Variants in RECK observed in about 807,000 individuals in gnomAD.
RECK encodes the protein reversion-inducing cysteine-rich protein with Kazal motifs.
A neutral mutation model predicts 115.1 loss-of-function variants in RECK; 69 were observed. The ratio of observed to expected loss-of-function variants is 0.60; its 90% CI spans 0.49 to 0.73. The LOEUF (loss-of-function observed/expected upper bound fraction) is 0.73. Ranked by LOEUF, RECK falls within the 30% of genes least tolerant of loss-of-function variation. The pLI, the probability that RECK is intolerant of heterozygous loss-of-function variation, is 0.00. For synonymous variants in RECK, 414 were observed against 419.7 expected, an observed-to-expected ratio of 0.99 and a Z score of 0.17; for missense variants, 1,047 against 1,203.7, an observed-to-expected ratio of 0.87 and a Z score of 1.93.
chr9:36,048,109 CACAG>C (rs1477238450), intron 1 of RECK, among the ~76,000 whole-genome samples: 1 of 133,850 alleles, frequency 7.5e-6, no homozygotes, highest in Non-Finnish European at 1.5e-5. Context: ...CATACACACG[CACAG>C]ACACACAGGT....
intron 14 of RECK, among the ~76,000 whole-genome samples, chr9:36,109,610 G>A (rs551344010): frequency 5.9e-5 from 9 of 152,206 alleles, no homozygotes; most frequent in Non-Finnish European, 8.8e-5. Flanking sequence ...TTGGTAGGCC[G>A]AGGCAGGCAG....
intron 6 of RECK, among the ~76,000 whole-genome samples, chr9:36,070,893 G>A (rs755052128): frequency 2.0e-5 from 3 of 152,226 alleles, no homozygotes; most frequent in Non-Finnish European, 4.4e-5. Context: ...TTATGGGCAT[G>A]TTCAAGTATC....
intron 13 of RECK, among the ~76,000 whole-genome samples, chr9:36,107,604 CA>C (rs11315233): frequency 0.082 from 5,831 of 70,966 alleles, 225 homozygotes; most frequent in African/African-American, 0.2. Flanking sequence ...GACTCCGTCT[CA>C]AAAAAAAAAA....
chr9:36,046,954 G>C (rs908556164), intron 1 of RECK, among the ~76,000 whole-genome samples: 5 of 152,152 alleles, frequency 3.3e-5, no homozygotes, highest in African/African-American at 4.8e-5. Context: ...CACATTTTGT[G>C]TTTCTGTTTG....
chr9:36,114,418 A>G (rs933453170), intron 16 of RECK, among the ~76,000 whole-genome samples: 5 of 152,226 alleles, frequency 3.3e-5, no homozygotes, highest in African/African-American at 1.2e-4. Flanking sequence ...GGTATAGGGA[A>G]ATAGCTGCTT....
chr9:36,118,715 A>G (rs1824353887), intron 17 of RECK, 42 bp from the exon 18 acceptor site: 2 of 1,583,108 alleles, frequency 1.3e-6, no homozygotes, highest in Non-Finnish European at 1.7e-6. Flanking sequence ...GAAAGGTACA[A>G]CATAGACATT....
intron 6 of RECK, 24 bp from the exon 7 acceptor site, chr9:36,080,581 T>G: frequency 6.3e-7 from 1 of 1,578,938 alleles, no homozygotes; most frequent in South Asian, 1.1e-5. Flanking sequence ...AATTTCTGTT[T>G]ATTTGTTTTT....
intron 2 of RECK, among the ~76,000 whole-genome samples, chr9:36,055,888 T>C (rs1019785388): frequency 2.6e-5 from 4 of 152,198 alleles, no homozygotes; most frequent in African/African-American, 9.7e-5. Flanking sequence ...GCCTTCCCTG[T>C]GCTTTTTCCT....
chr9:36,088,137 C>T (rs1338776996), intron 9 of RECK, among the ~76,000 whole-genome samples, 176 bp downstream of exon 9: 1 of 152,142 alleles, frequency 6.6e-6, no homozygotes, highest in Non-Finnish European at 1.5e-5. Flanking sequence ...GTATACAAAA[C>T]ATTGTTCTGT....
intron 6 of RECK, among the ~76,000 whole-genome samples, chr9:36,076,908 T>C (rs1264978468): frequency 1.3e-5 from 2 of 152,134 alleles, no homozygotes; most frequent in African/African-American, 4.8e-5. Flanking sequence ...CTCAGTGCAG[T>C]GTCATGGAAG....
intron 12 of RECK, 24 bp from the exon 13 acceptor site, chr9:36,105,119 A>G (rs1257392050): frequency 5.0e-6 from 8 of 1,607,742 alleles, no homozygotes; most frequent in Non-Finnish European, 6.0e-6. Flanking sequence ...GGTTGGTTAA[A>G]CTAATCTGTT....
intron 2 of RECK, among the ~76,000 whole-genome samples, chr9:36,055,611 G>A (rs141734921): frequency 1.0e-3 from 155 of 152,246 alleles, no homozygotes; most frequent in Non-Finnish European, 1.7e-3. Context: ...AAGGTCCCAA[G>A]CCAATTAGTT....
chr9:36,060,145 A>G lies in RECK; in HGVS notation c.261A>G (p.Ser87=), dbSNP rs1332705447. ...TTGAAATTTGGAATTGTATGAATTC[A>G]TCTTTGCCAGGTAAGCAATAAAAGT... is the stretch of plus-strand genomic sequence containing the variant. The part of the protein sequence containing the change: ...TMVEIWNCMN[S]SLPGVFKKSD... The change falls in exon 4 of 21, where the codon TCA becomes TCG. Residue 87 remains serine (S), a synonymous_variant. Coordinates refer to ENST00000377966, the MANE Select transcript of RECK (RefSeq NM_021111.3). 6.2e-7 allele frequency: 1 copy of G among 1,613,588 alleles called. No individual in the cohort carries two copies. The highest frequency in any genetic ancestry group is 1.3e-5 in the African/African-American group (1 of 74,940).
At chr9:36,112,761 A>G (rs1824109168) in intron 16 of RECK, among the ~76,000 whole-genome samples, 1 of 152,190 alleles carries the variant, frequency 6.6e-6, no homozygotes, top group Admixed American at 6.5e-5. Flanking sequence ...GATTGCAGGC[A>G]AGGTTTGCAG....
At chr9:36,039,076 G>A (rs553851221) in intron 1 of RECK, among the ~76,000 whole-genome samples, 2 of 152,070 alleles carry the variant, frequency 1.3e-5, no homozygotes, top group East Asian at 1.9e-4. Context: ...CACCTAAAGC[G>A]CACTTCAGAA....
rs907692106 is a variant in RECK, at chr9:36,105,089, A to G, written c.1436-54A>G. ...GCCATAATTAATTCAGATAATTTAC[A>G]GTTTTCTCTTACTCTTTTAGGTTGG... On this transcript the variant is annotated intron_variant, in intron 12 of 20. Coordinates refer to ENST00000377966, the MANE Select transcript of RECK (RefSeq NM_021111.3). The G allele has an allele frequency of 2.7e-6, 4 of 1,457,656 alleles. No homozygotes were observed. The African/African-American group carries it at 5.6e-5, about 21-fold the overall frequency. The allele number at this position is 1,457,656 out of a possible 1,614,324, so 90.3% of individuals were successfully genotyped here. A position where few individuals can be genotyped will look rare whatever the true frequency, so the allele number is the denominator to read the frequency against.
Position 36,052,292 on chromosome 9 carries a change from A to G in RECK, c.128A>G (p.Asp43Gly). ...AGALCCNHSK[D>G]NQMCRDVCEQ... ...GCATTGTGTTGTAATCATTCAAAGG[A>G]TAACCAAATGTGCCGTGATGTATGT... is the stretch of plus-strand genomic sequence containing the variant. The change falls in exon 2 of 21, where the codon GAT becomes GGT. Residue 43 changes from aspartate to glycine, a missense_variant. Transcript: ENST00000377966. 1 of 1,610,500 alleles carries G rather than the reference A, an allele frequency of 6.2e-7. No individual in the cohort carries two copies. The highest frequency in any genetic ancestry group is 8.5e-7 in the Non-Finnish European group (1 of 1,176,916).
chr9:36,047,254 G>A (rs1055079860), intron 1 of RECK, among the ~76,000 whole-genome samples: 4 of 152,138 alleles, frequency 2.6e-5, no homozygotes, highest in Admixed American at 2.6e-4. Flanking sequence ...ATGAGGGTAG[G>A]GACATAGCAG....
At chr9:36,080,676 AG>A in intron 7 of RECK, 38 bp downstream of exon 7, 17 of 1,584,004 alleles carry the variant, frequency 1.1e-5, no homozygotes, top group Non-Finnish European at 1.5e-5. Flanking sequence ...AACAGTCCAA[AG>A]ATATAATTAG....
Sources: allele counts gnomAD v4.1 joint callset (sites outside exome capture counted in the v4.1 genomes callset), GRCh38; gene constraint gnomAD v4.1.1; transcripts MANE v1.5; gene names NCBI Gene and HGNC (gene_info 2026-07-23, HGNC 2026-07-21).